The following LDB2 variants were observed in gnomAD, a reference collection of about 807,000 sequenced individuals.
LDB2 encodes the protein LIM domain-binding protein 2.
In LDB2, 12 loss-of-function variants were observed where a neutral mutation model predicts 44.3. The ratio of observed to expected loss-of-function variants is 0.27; its 90% confidence interval spans 0.17 to 0.44. LDB2 has a LOEUF of 0.44. Ranked by LOEUF, LDB2 falls within the 20% of genes least tolerant of loss-of-function variation. The pLI is 1.00. For synonymous variants in LDB2, 164 were observed against 174.8 expected (o/e 0.94, Z 0.49); for missense variants, 344 against 473.5 (o/e 0.73, Z 2.54).
chr4:16,814,752 A>T (rs1016702540), intron 1 of LDB2, among the ~76,000 whole-genome samples: 7 of 152,202 alleles, frequency 4.6e-5, no homozygotes, highest in African/African-American at 1.7e-4. Context: ...GAGAGTTTTT[A>T]AAAAAGGGGA....
chr4:16,659,655 G>A (rs1740919663), intron 2 of LDB2, among the ~76,000 whole-genome samples: 1 of 109,562 alleles, frequency 9.1e-6, no homozygotes, highest in Non-Finnish European at 1.9e-5. Context: ...ACACACATAT[G>A]AGTATATCTA....
chr4:16,829,721 A>T (rs1783722503), intron 1 of LDB2, among the ~76,000 whole-genome samples: 1 of 152,208 alleles, frequency 6.6e-6, no homozygotes. Context: ...TAAATGACTT[A>T]GGAATTTTTT....
chr4:16,548,052 AG>A (rs1736385222), intron 5 of LDB2, among the ~76,000 whole-genome samples: 1 of 151,218 alleles, frequency 6.6e-6, no homozygotes, highest in Non-Finnish European at 1.5e-5. Flanking sequence ...TCTGCCTCCC[AG>A]GTTCAAGGGA....
At chr4:16,763,439 T>TACACACACACACACACACACACACACAC (rs56114847) in intron 1 of LDB2, among the ~76,000 whole-genome samples, 1 of 141,092 alleles carries the variant, frequency 7.1e-6, no homozygotes, top group Non-Finnish European at 1.5e-5. Flanking sequence ...TGTAAACACG[T>TACACACACACACACACACACACACACAC]ACACACACAC....
At chr4:16,623,261 C>A (rs1485040769) in intron 2 of LDB2, among the ~76,000 whole-genome samples, 1 of 152,180 alleles carries the variant, frequency 6.6e-6, no homozygotes, top group Non-Finnish European at 1.5e-5. Context: ...AAATGTTCTG[C>A]AAAGAAATGC....
chr4:16,735,536 A>G (rs1761717202), intron 2 of LDB2, among the ~76,000 whole-genome samples: 1 of 151,522 alleles, frequency 6.6e-6, no homozygotes. Flanking sequence ...GAATAGAGTC[A>G]ATGAATATTC....
chr4:16,860,915 T>TA (rs35017642), intron 1 of LDB2, among the ~76,000 whole-genome samples: 35 of 150,420 alleles, frequency 2.3e-4, no homozygotes, highest in South Asian at 4.2e-4. Flanking sequence ...CCTACAGCTA[T>TA]AAAAAAAAAA....
At chr4:16,723,868 G>A (rs545984582) in intron 2 of LDB2, among the ~76,000 whole-genome samples, 2 of 152,196 alleles carry the variant, frequency 1.3e-5, no homozygotes, top group African/African-American at 4.8e-5. Context: ...TCCACTCCCA[G>A]ATTCCTCCTC....
rs112338126 is a variant in LDB2, at chr4:16,863,723, C to T, written c.132+34631G>A. Among the ~76,000 whole-genome samples, 30 of 140,946 alleles carry T rather than the reference C, an allele frequency of 2.1e-4. 3 individuals are homozygous for T. The highest frequency in any genetic ancestry group is 7.6e-4 in the African/African-American group (29 of 38,038). The allele number at this position is 140,946 out of a possible 152,430, so 92.5% of individuals were successfully genotyped here. ...TTACCCAGGCTAGAGCGCAGTGGCG[C>T]GATCTCGGCTCACTGCAAGCTCTGC... On this transcript the variant is annotated intron_variant, in intron 1 of 7. Transcript: ENST00000304523.
intron 1 of LDB2, among the ~76,000 whole-genome samples, chr4:16,790,668 A>G (rs982542281): frequency 2.1e-5 from 3 of 141,972 alleles, no homozygotes; most frequent in South Asian, 2.1e-4. Context: ...CGGAGCTAAC[A>G]TATTATTTCC....
chr4:16,878,343 C>G, intron 1 of LDB2, among the ~76,000 whole-genome samples: 1 of 152,208 alleles, frequency 6.6e-6, no homozygotes, highest in Non-Finnish European at 1.5e-5. Context: ...GAGAAGGGTT[C>G]CTACTCTCTT....
At chr4:16,627,890 G>A (rs1730728190) in intron 2 of LDB2, among the ~76,000 whole-genome samples, 1 of 152,192 alleles carries the variant, frequency 6.6e-6, no homozygotes, top group Admixed American at 6.5e-5. Flanking sequence ...GACTTGTGAG[G>A]ACTGGCCTGA....
chr4:16,830,704 G>C (rs1783910509), intron 1 of LDB2, among the ~76,000 whole-genome samples: 1 of 152,180 alleles, frequency 6.6e-6, no homozygotes, highest in Non-Finnish European at 1.5e-5. Flanking sequence ...CTCAGTGAAT[G>C]GAGTAAGAAC....
chr4:16,657,127 A>C lies in LDB2; in HGVS notation c.236-61252T>G, dbSNP rs147095697. Among the ~76,000 whole-genome samples, 417 of 152,356 alleles carry C rather than the reference A, an allele frequency of 2.7e-3. 3 individuals are homozygous for C. Among genetic ancestry groups the C allele is most frequent in the African/African-American group, 9.7e-3 (405 of 41,588 alleles). On this transcript the variant is annotated intron_variant, in intron 2 of 7. Coordinates refer to ENST00000304523, the MANE Select transcript of LDB2 (RefSeq NM_001290.5). ...AGGTAATGAAGCGGACAATATAAAG[A>C]GATATTTTCAGCAAAAACAGTACAT...
At chr4:16,696,410 C>A (rs1484527637) in intron 2 of LDB2, among the ~76,000 whole-genome samples, 1 of 152,146 alleles carries the variant, frequency 6.6e-6, no homozygotes, top group East Asian at 1.9e-4. Context: ...AAAAAATAAT[C>A]CAAGTTGCCA....
intron 2 of LDB2, among the ~76,000 whole-genome samples, chr4:16,723,920 G>C (rs2152686499): frequency 6.6e-6 from 1 of 152,070 alleles, no homozygotes; most frequent in Non-Finnish European, 1.5e-5. Flanking sequence ...GCTACCACCT[G>C]GAATAGGACA....
At chr4:16,580,919 T>G (rs972318381) in intron 5 of LDB2, among the ~76,000 whole-genome samples, 4 of 152,234 alleles carry the variant, frequency 2.6e-5, no homozygotes, top group Non-Finnish European at 1.5e-5. Context: ...AATCTTATTC[T>G]TTAAAGCTAT....
intron 2 of LDB2, among the ~76,000 whole-genome samples, chr4:16,606,559 CAA>C (rs1723993374): frequency 6.6e-6 from 1 of 152,076 alleles, no homozygotes; most frequent in African/African-American, 2.4e-5. Context: ...CTCAAGTACT[CAA>C]AAGTTTATCT....
intron 2 of LDB2, among the ~76,000 whole-genome samples, chr4:16,710,734 C>T (rs914971013): frequency 2.6e-5 from 4 of 152,166 alleles, no homozygotes; most frequent in Admixed American, 1.3e-4. Context: ...TATCCCTAAA[C>T]AATATTTAGA....
Sources: gnomAD v4.1 joint callset for allele counts (sites outside exome capture counted in the v4.1 genomes callset) on GRCh38, gnomAD v4.1.1 for gene constraint, MANE v1.5 for transcripts, NCBI Gene and HGNC (gene_info 2026-07-23, HGNC 2026-07-21) for gene names.